The following CACNA1B variants were observed in gnomAD, a reference collection of about 807,000 sequenced individuals.
CACNA1B encodes voltage-dependent N-type calcium channel subunit alpha-1B.
In CACNA1B, 70 loss-of-function variants were observed where a neutral mutation model predicts 247.2. The observed-to-expected ratio is 0.28, with a 90% CI of 0.23 to 0.35. The LOEUF (loss-of-function observed/expected upper bound fraction) is 0.35, where lower values mean the gene tolerates loss of function less well. Among genes scored for constraint, CACNA1B ranks in the 10% least tolerant of loss-of-function variants. The probability of loss-of-function intolerance (pLI) is 1.00; values close to 1 mark genes in which losing one functional copy is unlikely to be tolerated. For synonymous variants in CACNA1B, 1,231 were observed against 1,294.4 expected, an observed-to-expected ratio of 0.95 and a Z score of 1.05; for missense variants, 2,367 against 3,197.4, an observed-to-expected ratio of 0.74 and a Z score of 6.26.
intron 21 of CACNA1B, among the ~76,000 whole-genome samples, chr9:138,044,854 C>T (rs1328733122): frequency 1.3e-5 from 2 of 152,358 alleles, no homozygotes; most frequent in East Asian, 1.9e-4. Context: ...CTCTTTTATC[C>T]AACACACATG....
intron 10 of CACNA1B, among the ~76,000 whole-genome samples, chr9:137,966,277 T>G (rs969333077): frequency 1.3e-5 from 2 of 151,094 alleles, no homozygotes. Flanking sequence ...CAGGCTGGAG[T>G]GCAGTGGCGC....
intron 21 of CACNA1B, among the ~76,000 whole-genome samples, chr9:138,045,480 G>A (rs1259935058): frequency 6.6e-6 from 1 of 152,172 alleles, no homozygotes; most frequent in Non-Finnish European, 1.5e-5. Flanking sequence ...ACAGAATTTG[G>A]TGATAAATTA....
Position 138,073,912 on chromosome 9 carries a change from T to C in CACNA1B, c.4792-89T>C. ...TGGAGCTTGAGTAGGCTGAGGTCTG[T>C]GTGACCTCAAAGGCCCAGCCACCGT... On this transcript the variant is annotated intron_variant, in intron 33 of 46. Transcript: ENST00000371372. The surrounding 1 kb of genome is among the most constrained non-coding windows in gnomAD (Gnocchi z 6.4). 1 of 1,003,466 alleles carries C rather than the reference T, an allele frequency of 1.0e-6. No individual in the cohort carries two copies. The highest frequency in any genetic ancestry group is 1.7e-5 in the Admixed American group (1 of 58,918). The allele number at this position is 1,003,466 out of a possible 1,614,324, so 62.2% of individuals were successfully genotyped here. A position where few individuals can be genotyped will look rare whatever the true frequency, so the allele number is the denominator to read the frequency against.
In CACNA1B at chr9:138,075,929, C is replaced by G. The variant is rs200800880; in HGVS notation, c.4949+19C>G. 2.6e-6 allele frequency: 4 copies of G among 1,542,100 alleles called. No homozygotes were observed. The South Asian group carries it at 4.6e-5, about 18-fold the overall frequency. On this transcript the variant is annotated intron_variant, in intron 35 of 46. Transcript: ENST00000371372. ...TGTTCAGGTGTGTTGTTCGGTCAGCCCAGGCCAATGTCTGCTCTTCCGTCG... is the reference window on the plus strand; with the variant it reads ...TGTTCAGGTGTGTTGTTCGGTCAGCGCAGGCCAATGTCTGCTCTTCCGTCG...
rs1960221869 is a variant in CACNA1B at position 138,073,935 on chromosome 9, CG to C, written c.4792-65del. On this transcript the variant is annotated intron_variant, in intron 33 of 46. Coordinates refer to ENST00000371372, the MANE Select transcript of CACNA1B (RefSeq NM_000718.4). The surrounding 1 kb of genome is among the most constrained non-coding windows in gnomAD (Gnocchi z 6.4). ...TGTGTGACCTCAAAGGCCCAGCCAC[CG>C]TAGCAGGAGGCCTGGGCGTGGTGGC... The C allele has an allele frequency of 3.7e-6, 5 of 1,334,414 alleles. No individual in the cohort carries two copies. Among genetic ancestry groups the C allele is most frequent in the Non-Finnish European group, 5.3e-6 (5 of 935,312 alleles). 82.7% of individuals were successfully genotyped at this position (1,334,414 alleles called of 1,614,324 possible).
At position 137,914,877 on chromosome 9, in the gene CACNA1B, T is replaced by C; in HGVS notation, c.775+71T>C. On this transcript the variant is annotated intron_variant, in intron 5 of 46. Transcript: ENST00000371372. The surrounding 1 kb of genome is among the most constrained non-coding windows in gnomAD (Gnocchi z 4.3). ...CGTTCATCCAGGAGATGGGCACTGT[T>C]CTAGGTGCTAGAGGGGCCTTCTTGG... 6.4e-7 allele frequency: 1 copy of C among 1,554,942 alleles called. No individual in the cohort carries two copies. Among genetic ancestry groups the C allele is most frequent in the Non-Finnish European group, 8.7e-7 (1 of 1,145,796 alleles).
At position 138,122,150 on chromosome 9, in the gene CACNA1B, T is replaced by A. The variant is rs1962125596; in HGVS notation, c.*151T>A. ...CCCCTCCCTCCCCCTCCTCCCCTCTTTTACTCTAGACGACGAATAAAGCCC... is the reference window on the plus strand; with the variant it reads ...CCCCTCCCTCCCCCTCCTCCCCTCTATTACTCTAGACGACGAATAAAGCCC... On this transcript the variant is annotated 3_prime_UTR_variant, in exon 47 of 47. Coordinates refer to ENST00000371372, the MANE Select transcript of CACNA1B (RefSeq NM_000718.4). 3 of 653,706 alleles carry A rather than the reference T, an allele frequency of 4.6e-6. No individual in the cohort carries two copies. The highest frequency in any genetic ancestry group is 7.8e-6 in the Non-Finnish European group (3 of 385,216). 40.5% of individuals were successfully genotyped at this position (653,706 alleles called of 1,614,324 possible).
At chr9:138,028,022 C>A (rs904725538) in intron 20 of CACNA1B, among the ~76,000 whole-genome samples, 1 of 141,112 alleles carries the variant, frequency 7.1e-6, no homozygotes, top group Non-Finnish European at 1.5e-5. Flanking sequence ...TCCCCCCCAA[C>A]CTTTTTTTTT....
At chr9:138,112,256 C>T in intron 39 of CACNA1B, 142 bp from the exon 40 acceptor site, 1 of 645,234 alleles carries the variant, frequency 1.5e-6, no homozygotes, top group Non-Finnish European at 2.9e-6. Context: ...TCCCACTGCA[C>T]CCTCCTTCCA....
chr9:138,078,323 C>G (rs1366890940), intron 36 of CACNA1B, 65 bp downstream of exon 36: 1 of 1,490,824 alleles, frequency 6.7e-7, no homozygotes, highest in Non-Finnish European at 9.3e-7. Flanking sequence ...CAGGCTTCTC[C>G]CACATCTCCT....
Position 138,052,256 on chromosome 9 carries a change from G to GCGTGTT in CACNA1B, c.3807+68_3807+69insCGTGTT. The GCGTGTT allele has an allele frequency of 1.2e-6, 1 of 832,432 alleles. No individual in the cohort carries two copies. The highest frequency in any genetic ancestry group is 2.0e-6 in the Non-Finnish European group (1 of 500,218). 51.6% of individuals were successfully genotyped at this position (832,432 alleles called of 1,614,324 possible). A position where few individuals can be genotyped will look rare whatever the true frequency, so the allele number is the denominator to read the frequency against. ...TGTGCGTGTGTGTGTGTGCGTGTGT[G>GCGTGTT]TGTGTGTATGCATGCAGTGCATGAG... On this transcript the variant is annotated intron_variant, in intron 25 of 46. Coordinates refer to ENST00000371372, the MANE Select transcript of CACNA1B (RefSeq NM_000718.4). This position sits in a 1 kb window ranked among gnomAD's most constrained non-coding sequence, Gnocchi z 5.1.
intron 41 of CACNA1B, among the ~76,000 whole-genome samples, chr9:138,114,973 C>T (rs948602486): frequency 2.0e-5 from 3 of 152,148 alleles, no homozygotes; most frequent in Non-Finnish European, 2.9e-5. Context: ...GCCGTGTCTT[C>T]GGTGACCATA....
In CACNA1B at chr9:137,955,736, G is replaced by A. The variant is rs1279917188; in HGVS notation, c.1109G>A (p.Arg370His). 3 of 1,612,940 alleles carry A rather than the reference G, an allele frequency of 1.9e-6. No individual in the cohort carries two copies. Among genetic ancestry groups the A allele is most frequent in the South Asian group, 1.1e-5 (1 of 90,788 alleles). Reference protein sequence around the residue: ...AKERERVENRRAFLKLRRQQQ... With the variant: ...AKERERVENRHAFLKLRRQQQ... ...GAGCGAGAGAGGGTGGAGAACCGCCGCGCCTTCCTGAAGCTGCGCCGGCAG... is the reference window on the plus strand; with the variant it reads ...GAGCGAGAGAGGGTGGAGAACCGCCACGCCTTCCTGAAGCTGCGCCGGCAG... The change falls in exon 8 of 47, where the codon CGC (arginine) becomes CAC (histidine). Residue 370 changes from arginine (R) to histidine (H), a missense_variant. Coordinates refer to ENST00000371372, the MANE Select transcript of CACNA1B (RefSeq NM_000718.4). The surrounding 1 kb of genome is among the most constrained non-coding windows in gnomAD (Gnocchi z 6.9).
chr9:138,118,883 C>A, intron 44 of CACNA1B, 115 bp downstream of exon 44: 1 of 630,636 alleles, frequency 1.6e-6, no homozygotes, highest in South Asian at 1.8e-5. Flanking sequence ...AGGCTGGGGT[C>A]CATGTGTGGA....
Position 138,014,952 on chromosome 9 carries a change from C to T in CACNA1B, c.2267+1717C>T, listed in dbSNP as rs1436155772. Among the ~76,000 whole-genome samples, 2 of 152,168 alleles carry T rather than the reference C, an allele frequency of 1.3e-5. No individual in the cohort carries two copies. The highest frequency in any genetic ancestry group is 6.5e-5 in the Admixed American group (1 of 15,282). On this transcript the variant is annotated intron_variant, in intron 18 of 46. Transcript: ENST00000371372. The surrounding 1 kb of genome is among the most constrained non-coding windows in gnomAD (Gnocchi z 6.2). Reference sequence around the variant, plus strand: ...GTCCTGGTTTGGAGACACTGCTATGCAGGAACAAGGCAGTAGACTGGCATC... The same window carrying T: ...GTCCTGGTTTGGAGACACTGCTATGTAGGAACAAGGCAGTAGACTGGCATC...
intron 31 of CACNA1B, among the ~76,000 whole-genome samples, chr9:138,066,992 G>GA (rs1959942412): frequency 1.3e-5 from 2 of 152,118 alleles, no homozygotes; most frequent in Non-Finnish European, 2.9e-5. Flanking sequence ...ATTAATCAAA[G>GA]AAAAATAAGA....
chr9:138,000,191 C>CA (rs1554745115), intron 15 of CACNA1B, among the ~76,000 whole-genome samples: 1 of 151,606 alleles, frequency 6.6e-6, no homozygotes, highest in Non-Finnish European at 1.5e-5. Flanking sequence ...CTCCGCCTCC[C>CA]GGGTTCACGC....
intron 10 of CACNA1B, among the ~76,000 whole-genome samples, chr9:137,965,483 C>T (rs146311824): frequency 0.02 from 3,070 of 152,370 alleles, 45 homozygotes; most frequent in Non-Finnish European, 0.031. Context: ...GAGTTTGAGA[C>T]AAGCCTGGAC....
intron 15 of CACNA1B, among the ~76,000 whole-genome samples, chr9:138,006,497 G>A (rs575072167): frequency 1.3e-5 from 2 of 152,264 alleles, no homozygotes; most frequent in South Asian, 4.1e-4. Context: ...CTCCTGTTGG[G>A]AGCTCCCTTT....
Sources: gnomAD v4.1 joint callset for allele counts (sites outside exome capture counted in the v4.1 genomes callset) on GRCh38, gnomAD v4.1.1 for gene constraint, Gnocchi (gnomAD v3.1) non-coding constraint, MANE v1.5 for transcripts, NCBI Gene and HGNC (gene_info 2026-07-23, HGNC 2026-07-21) for gene names.